COL27A1: variants seen among roughly 807,000 people sequenced by gnomAD.
COL27A1 encodes the protein collagen alpha-1(XXVII) chain.
A neutral mutation model predicts 251.3 loss-of-function variants in COL27A1; 106 were observed. The observed-to-expected ratio is 0.42, with a 90% CI of 0.36 to 0.50. The LOEUF (loss-of-function observed/expected upper bound fraction) is 0.50, where lower values mean the gene tolerates loss of function less well. Ranked by LOEUF, COL27A1 falls within the 20% of genes least tolerant of loss-of-function variation. The probability of loss-of-function intolerance (pLI) is 0.00; values close to 1 mark genes in which losing one functional copy is unlikely to be tolerated. For missense variants in COL27A1, 2,325 were observed against 2,522.8 expected (o/e 0.92, Z 1.68); for synonymous variants, 1,000 against 986.3 (o/e 1.01, Z -0.26).
At chr9:114,280,425 G>T (rs918542415) in intron 37 of COL27A1, among the ~76,000 whole-genome samples, 7 of 152,114 alleles carry the variant, frequency 4.6e-5, no homozygotes, top group Admixed American at 3.9e-4. Flanking sequence ...CTGGTCTTGA[G>T]CTCCTGGCCT....
chr9:114,185,434 G>A (rs1383476062), intron 5 of COL27A1, among the ~76,000 whole-genome samples: 6 of 152,246 alleles, frequency 3.9e-5, no homozygotes, highest in African/African-American at 1.4e-4. Flanking sequence ...CTGGTGGGAG[G>A]CCCAGTTAAC....
chr9:114,194,746 C>A (rs932789122), intron 6 of COL27A1, among the ~76,000 whole-genome samples: 1 of 152,200 alleles, frequency 6.6e-6, no homozygotes, highest in African/African-American at 2.4e-5. Flanking sequence ...TGTCCTTTTG[C>A]CTAATGTCCT....
chr9:114,289,434 A>T, intron 45 of COL27A1, 139 bp downstream of exon 45: 1 of 752,902 alleles, frequency 1.3e-6, no homozygotes, highest in East Asian at 2.8e-5. Context: ...GGAGCCCGGC[A>T]GGCTGCTTCT....
rs763774486 is a variant in COL27A1 at position 114,167,826 on chromosome 9, C to T, written c.271C>T (p.Pro91Ser). The change falls in exon 3 of 61, where the codon CCT (proline) becomes TCT (serine). Residue 91 changes from proline to serine, a missense_variant. Physicochemically the swap from Pro to Ser is moderately conservative, Grantham distance 74. Coordinates refer to ENST00000356083, the MANE Select transcript of COL27A1 (RefSeq NM_032888.4). The part of the protein sequence containing the change: ...RLQAPTGTVI[P>S]AALGTELALV... ...CCAGGCTCCCACGGGCACCGTCATT[C>T]CTGCCGCCTTGGGCACAGAGCTGGC... 2 of 1,613,536 alleles carry T rather than the reference C, an allele frequency of 1.2e-6. No individual in the cohort carries two copies. Among genetic ancestry groups the T allele is most frequent in the Non-Finnish European group, 1.7e-6 (2 of 1,179,986 alleles).
At chr9:114,264,001 G>A (rs1181266447) in intron 28 of COL27A1, among the ~76,000 whole-genome samples, 2 of 152,236 alleles carry the variant, frequency 1.3e-5, no homozygotes, top group Non-Finnish European at 2.9e-5. Flanking sequence ...AGAGTTGGCC[G>A]TGTGGACGTG....
intron 41 of COL27A1, 134 bp downstream of exon 41, chr9:114,284,911 C>G: frequency 1.1e-6 from 1 of 923,088 alleles, no homozygotes; most frequent in Non-Finnish European, 1.7e-6. Flanking sequence ...CTGCAGCAGC[C>G]GAGGCTGGTG....
chr9:114,240,736 C>G (rs538455198), intron 21 of COL27A1, among the ~76,000 whole-genome samples: 1 of 152,238 alleles, frequency 6.6e-6, no homozygotes, highest in Non-Finnish European at 1.5e-5. Context: ...TCTGCACCCT[C>G]GTCACCCTGG....
chr9:114,307,906 C>T (rs1829170852), intron 59 of COL27A1, 128 bp downstream of exon 59: 9 of 613,718 alleles, frequency 1.5e-5, no homozygotes, highest in Admixed American at 3.1e-5. Flanking sequence ...GGAAAGTTAT[C>T]GCCTCCTTCC....
At position 114,206,127 on chromosome 9, in the gene COL27A1, A is replaced by G. The variant is rs1829944689; in HGVS notation, c.2224-125A>G. 1.8e-5 allele frequency: 17 copies of G among 957,174 alleles called. No individual in the cohort carries two copies. In the East Asian group the frequency reaches 4.4e-4, roughly 25 times the overall value. 59.3% of individuals were successfully genotyped at this position (957,174 alleles called of 1,614,324 possible). A position where few individuals can be genotyped will look rare whatever the true frequency, so the allele number is the denominator to read the frequency against. ...GTGGGGGTCAGGCCAAAGATCGCTG[A>G]TCTAACCCCACCCCCATTCTACAAA... On this transcript the variant is annotated intron_variant, in intron 9 of 60. Transcript: ENST00000356083.
Position 114,168,370 on chromosome 9 carries a change from T to C in COL27A1, c.815T>C (p.Leu272Ser), listed in dbSNP as rs151023386. The C allele has an allele frequency of 1.2e-3, 1,913 of 1,613,344 alleles. 27 individuals carry two copies. In the African/African-American group the frequency reaches 0.023, roughly 19 times the overall value. ...CTCGCCCTGCTAGGCCTGGAGAACTTGACCACTGCCACACCAGCCCTGGGG... is the reference window on the plus strand; with the variant it reads ...CTCGCCCTGCTAGGCCTGGAGAACTCGACCACTGCCACACCAGCCCTGGGG... ...SDLALLGLEN[L>S]TTATPALGSL... Residue 272 changes from leucine (L) to serine (S), a missense_variant, in exon 3 of 61, where the codon TTG (leucine) becomes TCG (serine). This residue lies in a region of COL27A1 where 1,183 missense variants were observed against 1,144.1 expected (regional missense o/e 1.03). Transcript: ENST00000356083.
chr9:114,160,980 T>C (rs1021272305), intron 1 of COL27A1, among the ~76,000 whole-genome samples: 1 of 152,208 alleles, frequency 6.6e-6, no homozygotes, highest in Non-Finnish European at 1.5e-5. Flanking sequence ...GTTTACATTA[T>C]GCTGCAAGTA....
chr9:114,302,085 C>T lies in COL27A1; in HGVS notation c.4849C>T (p.Pro1617Ser). The T allele has an allele frequency of 1.2e-6, 2 of 1,612,752 alleles. No individual in the cohort carries two copies. Among genetic ancestry groups the T allele is most frequent in the Non-Finnish European group, 1.7e-6 (2 of 1,178,748 alleles). ...GACCCGCAGTCTTCTTTTGCAGGGT[C>T]CTCCAGGGGGTCCTATCCAATTGGT... ...GPRGRPGPPGPPGGPIQLQQD... is the reference protein window; with the variant it reads ...GPRGRPGPPGSPGGPIQLQQD... The change falls in exon 56 of 61, where the codon CCT (proline) becomes TCT (serine). Residue 1617 changes from proline (P) to serine (S), a missense_variant. Physicochemically the swap from Pro to Ser is moderately conservative, Grantham distance 74. Coordinates refer to ENST00000356083, the MANE Select transcript of COL27A1 (RefSeq NM_032888.4).
chr9:114,188,577 T>A (rs1828540710), intron 5 of COL27A1, among the ~76,000 whole-genome samples: 1 of 152,230 alleles, frequency 6.6e-6, no homozygotes, highest in Non-Finnish European at 1.5e-5. Flanking sequence ...TATTTATATA[T>A]GTATATGTAG....
chr9:114,301,134 G>A lies in COL27A1; in HGVS notation c.4755+9G>A, dbSNP rs753790440. ...GACCTTCGGGACTCCCGGTATGTGT[G>A]GGGATTGGACAGGAAGACTCCGGGG... On this transcript the variant is annotated intron_variant, in intron 52 of 60. Coordinates refer to ENST00000356083, the MANE Select transcript of COL27A1 (RefSeq NM_032888.4). The A allele has an allele frequency of 1.2e-6, 2 of 1,613,794 alleles. No homozygotes were observed. The highest frequency in any genetic ancestry group is 1.6e-4 in the Middle Eastern group (1 of 6,062).
chr9:114,257,696 T>TA (rs1834023529), intron 27 of COL27A1, among the ~76,000 whole-genome samples: 1 of 152,088 alleles, frequency 6.6e-6, no homozygotes, highest in Non-Finnish European at 1.5e-5. Flanking sequence ...TCTTTCTTGA[T>TA]CCTCTCCCAC....
intron 36 of COL27A1, chr9:114,271,607 A>T (rs1354465083): frequency 6.6e-6 from 1 of 152,396 alleles, no homozygotes; most frequent in Non-Finnish European, 1.5e-5. Context: ...CCTGAATTGC[A>T]GGTGGGCAGG....
intron 41 of COL27A1, among the ~76,000 whole-genome samples, chr9:114,286,387 G>A (rs1827491613): frequency 6.6e-6 from 1 of 152,178 alleles, no homozygotes; most frequent in Admixed American, 6.5e-5. Flanking sequence ...CCCAGGATCT[G>A]TAGTAAGAGG....
intron 12 of COL27A1, among the ~76,000 whole-genome samples, chr9:114,219,279 G>C (rs1830923316): frequency 6.6e-6 from 1 of 152,184 alleles, no homozygotes; most frequent in Non-Finnish European, 1.5e-5. Context: ...GTGTGACTTT[G>C]TGTGACCTTG....
At chr9:114,159,650 C>T (rs181935996) in intron 1 of COL27A1, among the ~76,000 whole-genome samples, 123 of 152,302 alleles carry the variant, frequency 8.1e-4, no homozygotes, top group African/African-American at 2.5e-3. Context: ...TTCTCCGAGC[C>T]TTTGATATAC....
Sources: allele counts gnomAD v4.1 joint callset (sites outside exome capture counted in the v4.1 genomes callset), GRCh38; gene constraint gnomAD v4.1.1; regional missense constraint gnomAD v4.1.1; transcripts MANE v1.5; gene names NCBI Gene and HGNC (gene_info 2026-07-23, HGNC 2026-07-21).